CACNA1C: variants seen among roughly 807,000 people sequenced by gnomAD.
CACNA1C encodes voltage-dependent L-type calcium channel subunit alpha-1C.
A neutral mutation model predicts 229.0 loss-of-function variants in CACNA1C; 30 were observed. The observed-to-expected ratio is 0.13, with a 90% CI of 0.10 to 0.18. The LOEUF (loss-of-function observed/expected upper bound fraction) is 0.18, where lower values mean the gene tolerates loss of function less well. Among genes scored for constraint, CACNA1C ranks in the 10% least tolerant of loss-of-function variants. The pLI, the probability that CACNA1C is intolerant of heterozygous loss-of-function variation, is 1.00. For synonymous variants in CACNA1C, 1,114 were observed against 1,132.5 expected (o/e 0.98, Z 0.33); for missense variants, 1,658 against 2,845.0 (o/e 0.58, Z 9.49).
At chr12:2,217,000 A>G (rs2060140155) in intron 3 of CACNA1C, among the ~76,000 whole-genome samples, 1 of 152,244 alleles carries the variant, frequency 6.6e-6, no homozygotes, top group African/African-American at 2.4e-5. Context: ...AAGCAGATGC[A>G]ATCCAAGTAT....
At chr12:1,978,886 TGAG>T (rs1185150289) in intron 1 of CACNA1C, among the ~76,000 whole-genome samples, 2 of 152,260 alleles carry the variant, frequency 1.3e-5, no homozygotes, top group South Asian at 2.1e-4. Flanking sequence ...TTCTTATCGC[TGAG>T]TAGTGTTCTA....
At chr12:2,402,772 G>T (rs2098694314) in intron 3 of CACNA1C, among the ~76,000 whole-genome samples, 1 of 152,180 alleles carries the variant, frequency 6.6e-6, no homozygotes, top group African/African-American at 2.4e-5. Context: ...AGCCCTGGTG[G>T]TCTGGTCTCA....
chr12:2,376,319 C>T (rs1451778871), intron 3 of CACNA1C, among the ~76,000 whole-genome samples: 1 of 152,196 alleles, frequency 6.6e-6, no homozygotes, highest in African/African-American at 2.4e-5. Context: ...TATGTGAGGA[C>T]AAGCGCCCAT....
intron 38 of CACNA1C, among the ~76,000 whole-genome samples, chr12:2,670,004 G>A (rs2096470326): frequency 6.6e-6 from 1 of 152,208 alleles, no homozygotes; most frequent in Admixed American, 6.5e-5. Flanking sequence ...CAGCCTTGGA[G>A]TGTCTAGTGT....
In CACNA1C at chr12:2,307,529, T is replaced by C. The variant is rs112236186; in HGVS notation, c.478-141447T>C. On this transcript the variant is annotated intron_variant, in intron 3 of 46. Transcript: ENST00000399655. Reference sequence around the variant, plus strand: ...CAAAGGGTGCTGGGGCCGAGATTCATGGCCTTTAACTATGGTTCTTAAATG... The same window carrying C: ...CAAAGGGTGCTGGGGCCGAGATTCACGGCCTTTAACTATGGTTCTTAAATG... Among the ~76,000 whole-genome samples, 351 of 152,302 alleles carry C rather than the reference T, an allele frequency of 2.3e-3. 1 individual carries two copies. The highest frequency in any genetic ancestry group is 8.2e-3 in the African/African-American group (342 of 41,574).
At chr12:2,423,795 A>T (rs902009921) in intron 3 of CACNA1C, among the ~76,000 whole-genome samples, 2 of 152,216 alleles carry the variant, frequency 1.3e-5, no homozygotes, top group African/African-American at 4.8e-5. Context: ...GAGAAAAATA[A>T]AGATGATGTT....
Position 2,507,963 on chromosome 12 carries a change from G to C in CACNA1C, c.1217+3018G>C, listed in dbSNP as rs765288563. 5.1e-4 allele frequency among the ~76,000 whole-genome samples: 78 copies of C among 152,360 alleles called. 1 individual carries two copies. Among genetic ancestry groups the C allele is most frequent in the Non-Finnish European group, 4.4e-4 (30 of 68,038 alleles). On this transcript the variant is annotated intron_variant, in intron 8 of 46. Transcript: ENST00000399655. ...GTAGGAAGGGTGAGAGGAGCGAGCA[G>C]GCAGGCACAGAAGCAATCAGCACAG... is the stretch of plus-strand genomic sequence containing the variant.
At position 2,544,504 on chromosome 12, in the gene CACNA1C, G is replaced by C. The variant is rs1187069746; in HGVS notation, c.1391-5439G>C. On this transcript the variant is annotated intron_variant, in intron 9 of 46. Transcript: ENST00000399655. ...TGCTGCCACTCATTAATATTAGGTT[G>C]GTGCAAAAGAAATTGTGGTTTCAGA... 5.9e-5 allele frequency among the ~76,000 whole-genome samples: 9 copies of C among 152,218 alleles called. 1 individual carries two copies. In the East Asian group the frequency reaches 1.7e-3, roughly 29 times the overall value.
chr12:2,426,731 G>C (rs2096313844), intron 3 of CACNA1C, among the ~76,000 whole-genome samples: 3 of 152,198 alleles, frequency 2.0e-5, no homozygotes, highest in Admixed American at 6.5e-5. Flanking sequence ...AGTGTCTGCT[G>C]TCAGCTGGTG....
chr12:2,075,635 A>G (rs1456500909), intron 1 of CACNA1C, among the ~76,000 whole-genome samples: 1 of 152,206 alleles, frequency 6.6e-6, no homozygotes, highest in African/African-American at 2.4e-5. Flanking sequence ...TTGCTTAAAT[A>G]GCAGTCCATA....
Position 2,682,610 on chromosome 12 carries a change from G to C in CACNA1C, c.5505G>C (p.Glu1835Asp), listed in dbSNP as rs2097203480. ...MAGQEETSQDETYEVKMNHDT... is the reference protein window; with the variant it reads ...MAGQEETSQDDTYEVKMNHDT... ...GTCAGGAGGAGACGTCTCAGGATGA[G>C]ACCTATGAAGTGAAGATGAACCATG... is the stretch of plus-strand genomic sequence containing the variant. The change falls in exon 43 of 47, where the codon GAG becomes GAC. Residue 1835 changes from glutamate to aspartate, a missense_variant. Around this residue, in one of 20 missense-constraint regions of CACNA1C, gnomAD observed 590 missense variants for 700.8 expected, o/e 0.84. Coordinates refer to ENST00000399655, the MANE Select transcript of CACNA1C (RefSeq NM_000719.7). 1 of 1,612,604 alleles carries C rather than the reference G, an allele frequency of 6.2e-7. No homozygotes were observed. Among genetic ancestry groups the C allele is most frequent in the Non-Finnish European group, 8.5e-7 (1 of 1,179,566 alleles).
chr12:2,228,245 C>A (rs1371167671), intron 3 of CACNA1C, among the ~76,000 whole-genome samples: 1 of 152,212 alleles, frequency 6.6e-6, no homozygotes, highest in East Asian at 1.9e-4. Flanking sequence ...TTTCAACCAA[C>A]ATTTATTGAG....
intron 3 of CACNA1C, among the ~76,000 whole-genome samples, chr12:2,157,679 A>G (rs2095622650): frequency 6.6e-6 from 1 of 152,220 alleles, no homozygotes; most frequent in African/African-American, 2.4e-5. Flanking sequence ...TGTGCTCACA[A>G]TGTCCCATCA....
chr12:2,309,310 G>A (rs1483647417), intron 3 of CACNA1C, among the ~76,000 whole-genome samples: 1 of 152,204 alleles, frequency 6.6e-6, no homozygotes, highest in African/African-American at 2.4e-5. Context: ...GAAGCAGAGA[G>A]TAGAACATGT....
At chr12:2,398,926 A>C (rs1205538769) in intron 3 of CACNA1C, among the ~76,000 whole-genome samples, 1 of 152,148 alleles carries the variant, frequency 6.6e-6, no homozygotes, top group Admixed American at 6.5e-5. Context: ...AACAGCTGTG[A>C]GGTGCCCCCT....
chr12:2,235,572 T>C (rs539525248), intron 3 of CACNA1C, among the ~76,000 whole-genome samples: 1 of 152,378 alleles, frequency 6.6e-6, no homozygotes, highest in East Asian at 1.9e-4. Context: ...CTCTCCCACA[T>C]GCTGCCTTGC....
intron 1 of CACNA1C, chr12:1,997,784 T>C (rs920129553): frequency 1.6e-5 from 11 of 668,038 alleles, no homozygotes; most frequent in Admixed American, 1.3e-4. Context: ...TGGTATTCCC[T>C]TCTTCGTGTC....
intron 29 of CACNA1C, among the ~76,000 whole-genome samples, chr12:2,621,329 A>T (rs1285882927): frequency 6.6e-6 from 1 of 152,158 alleles, no homozygotes. Flanking sequence ...TGAGCCCTGG[A>T]GGGTGAAAAG....
intron 3 of CACNA1C, among the ~76,000 whole-genome samples, chr12:2,443,947 C>T (rs932166766): frequency 6.6e-6 from 1 of 152,152 alleles, no homozygotes; most frequent in African/African-American, 2.4e-5. Context: ...CTTCTTGCAA[C>T]ATTTAGTCAG....
Sources: allele counts gnomAD v4.1 joint callset (sites outside exome capture counted in the v4.1 genomes callset), GRCh38; gene constraint gnomAD v4.1.1; regional missense constraint gnomAD v4.1.1; transcripts MANE v1.5; gene names NCBI Gene and HGNC (gene_info 2026-07-23, HGNC 2026-07-21).